The following DLG2 variants were observed in gnomAD, a reference collection of about 807,000 sequenced individuals.
The protein encoded by DLG2 is discs large MAGUK scaffold protein 2.
DLG2 carries 45 observed loss-of-function variants against 132.5 expected under a neutral mutation model. The observed-to-expected ratio is 0.34, with a 90% CI of 0.27 to 0.44. DLG2 has a LOEUF of 0.44. Among genes scored for constraint, DLG2 ranks in the 20% least tolerant of loss-of-function variants. The probability of loss-of-function intolerance (pLI) is 1.00; values close to 1 mark genes in which losing one functional copy is unlikely to be tolerated. For synonymous variants in DLG2, 424 were observed against 419.6 expected (o/e 1.01, Z -0.13); for missense variants, 1,045 against 1,196.9 (o/e 0.87, Z 1.87).
At chr11:83,869,351 C>G (rs1167801061) in intron 16 of DLG2, among the ~76,000 whole-genome samples, 1 of 152,080 alleles carries the variant, frequency 6.6e-6, no homozygotes, top group Non-Finnish European at 1.5e-5. Flanking sequence ...AAGGAGAGAA[C>G]AAGAGAGAGA....
intron 4 of DLG2, among the ~76,000 whole-genome samples, chr11:85,237,956 T>C (rs952038816): frequency 6.6e-6 from 1 of 152,066 alleles, no homozygotes; most frequent in African/African-American, 2.4e-5. Context: ...TTGTACAAAA[T>C]ATTATAGTAG....
At chr11:84,703,922 A>T (rs2059508740) in intron 6 of DLG2, among the ~76,000 whole-genome samples, 2 of 141,362 alleles carry the variant, frequency 1.4e-5, no homozygotes, top group Non-Finnish European at 3.1e-5. Flanking sequence ...GTGTGTATTT[A>T]TATATGTATT....
intron 19 of DLG2, among the ~76,000 whole-genome samples, chr11:83,581,910 T>C (rs2096983222): frequency 6.6e-6 from 1 of 151,752 alleles, no homozygotes; most frequent in Admixed American, 6.6e-5. Flanking sequence ...CTACTTTTCA[T>C]TTTGATGTTC....
At chr11:83,638,736 G>A (rs2065535033) in intron 18 of DLG2, among the ~76,000 whole-genome samples, 1 of 152,144 alleles carries the variant, frequency 6.6e-6, no homozygotes, top group Non-Finnish European at 1.5e-5. Flanking sequence ...CATCTGCTAG[G>A]CAACCACTCA....
chr11:85,392,813 A>G (rs1359929293), intron 3 of DLG2, among the ~76,000 whole-genome samples: 1 of 152,144 alleles, frequency 6.6e-6, no homozygotes, highest in African/African-American at 2.4e-5. Context: ...CTCACCTTAC[A>G]CAAAAATCAA....
At chr11:84,573,459 C>A (rs2099490798) in intron 6 of DLG2, among the ~76,000 whole-genome samples, 1 of 152,032 alleles carries the variant, frequency 6.6e-6, no homozygotes, top group Non-Finnish European at 1.5e-5. Context: ...ATCAATATTG[C>A]TTCTTATTGA....
intron 18 of DLG2, among the ~76,000 whole-genome samples, chr11:83,750,802 A>T (rs1408931958): frequency 1.3e-5 from 2 of 152,210 alleles, no homozygotes; most frequent in Non-Finnish European, 2.9e-5. Context: ...TTTAAAAGGT[A>T]CCTTTAGGAC....
intron 7 of DLG2, among the ~76,000 whole-genome samples, chr11:84,455,263 C>T (rs147059699): frequency 2.6e-4 from 40 of 151,464 alleles, no homozygotes; most frequent in African/African-American, 9.7e-4. Context: ...CAAGTGTTAA[C>T]AATGTATTTT....
chr11:84,304,359 C>T (rs553860775), intron 7 of DLG2, among the ~76,000 whole-genome samples: 1 of 152,088 alleles, frequency 6.6e-6, no homozygotes, highest in African/African-American at 2.4e-5. Flanking sequence ...TTTGCAGGAT[C>T]GCATGTTAAA....
At chr11:84,342,232 A>G (rs1158878912) in intron 7 of DLG2, among the ~76,000 whole-genome samples, 1 of 152,144 alleles carries the variant, frequency 6.6e-6, no homozygotes, top group African/African-American at 2.4e-5. Context: ...CAGACTCTAG[A>G]TCCCAACTGG....
chr11:84,047,490 G>C (rs958329573), intron 11 of DLG2, among the ~76,000 whole-genome samples: 1 of 151,538 alleles, frequency 6.6e-6, no homozygotes, highest in Non-Finnish European at 1.5e-5. Flanking sequence ...TACCACAGCA[G>C]CATTTTTTTT....
At chr11:84,907,882 T>G (rs990210935) in intron 6 of DLG2, among the ~76,000 whole-genome samples, 1 of 152,218 alleles carries the variant, frequency 6.6e-6, no homozygotes, top group Non-Finnish European at 1.5e-5. Flanking sequence ...CTCCTTGGAC[T>G]GTAGTTGAGT....
rs982019698 is a variant in DLG2, at chr11:85,275,262, T to C, written c.186+9958A>G. ...ACTCTTGTAGACTCTACAAGACAAC[T>C]CGGGTTTTTCTGCTAATATGATATC... On this transcript the variant is annotated intron_variant, in intron 4 of 27. Coordinates refer to ENST00000376104, the MANE Select transcript of DLG2 (RefSeq NM_001142699.3). Among the ~76,000 whole-genome samples the C allele has an allele frequency of 1.8e-4, 28 of 152,110 alleles. 1 individual carries two copies. The highest frequency in any genetic ancestry group is 7.7e-4 in the East Asian group (4 of 5,192).
intron 7 of DLG2, among the ~76,000 whole-genome samples, chr11:84,370,890 A>G (rs2098703510): frequency 6.6e-6 from 1 of 152,170 alleles, no homozygotes. Flanking sequence ...CTATAATCGT[A>G]CATGTGTGGG....
chr11:84,866,246 G>A (rs758408517), intron 6 of DLG2, among the ~76,000 whole-genome samples: 2 of 152,094 alleles, frequency 1.3e-5, no homozygotes, highest in Non-Finnish European at 2.9e-5. Context: ...TTTGCTGCTG[G>A]AGCCTGATCA....
At chr11:84,594,942 C>T (rs568669492) in intron 6 of DLG2, among the ~76,000 whole-genome samples, 3 of 152,130 alleles carry the variant, frequency 2.0e-5, no homozygotes, top group Non-Finnish European at 4.4e-5. Flanking sequence ...AATATAAACT[C>T]AGCATTTATA....
intron 6 of DLG2, among the ~76,000 whole-genome samples, chr11:85,102,254 C>T (rs960692326): frequency 2.0e-5 from 3 of 151,972 alleles, no homozygotes; most frequent in African/African-American, 4.8e-5. Context: ...GATATGTTGC[C>T]AAAATAAGTT....
chr11:85,197,249 C>T (rs2081138616), intron 4 of DLG2, among the ~76,000 whole-genome samples: 1 of 152,146 alleles, frequency 6.6e-6, no homozygotes, highest in African/African-American at 2.4e-5. Flanking sequence ...TGTGAAAAGT[C>T]AACTCACGTT....
At chr11:85,058,110 T>C (rs1318516852) in intron 6 of DLG2, among the ~76,000 whole-genome samples, 1 of 151,398 alleles carries the variant, frequency 6.6e-6, no homozygotes, top group Non-Finnish European at 1.5e-5. Flanking sequence ...AATAAAACTA[T>C]CAATATTCTC....
Sources: gnomAD v4.1 joint callset for allele counts (sites outside exome capture counted in the v4.1 genomes callset) on GRCh38, gnomAD v4.1.1 for gene constraint, MANE v1.5 for transcripts, NCBI Gene and HGNC (gene_info 2026-07-23, HGNC 2026-07-21) for gene names.